PTPRG: variants seen among roughly 807,000 people sequenced by gnomAD.
PTPRG encodes protein tyrosine phosphatase receptor type G.
A neutral mutation model predicts 165.3 loss-of-function variants in PTPRG; 102 were observed. The ratio of observed to expected loss-of-function variants is 0.62; its 90% CI spans 0.53 to 0.73. PTPRG has a LOEUF of 0.73. Among genes scored for constraint, PTPRG ranks in the 30% least tolerant of loss-of-function variants. The pLI is 0.00. For missense variants in PTPRG, 1,866 were observed against 1,861.4 expected, an observed-to-expected ratio of 1.00 and a Z score of -0.05; for synonymous variants, 675 against 669.5, an observed-to-expected ratio of 1.01 and a Z score of -0.13.
At chr3:62,049,235 C>T (rs1700395018) in intron 4 of PTPRG, among the ~76,000 whole-genome samples, 1 of 152,128 alleles carries the variant, frequency 6.6e-6, no homozygotes, top group Non-Finnish European at 1.5e-5. Context: ...GTAATGCGAG[C>T]AGCATGTTCA....
At chr3:62,198,834 G>A (rs1212710067) in intron 10 of PTPRG, among the ~76,000 whole-genome samples, 6 of 152,194 alleles carry the variant, frequency 3.9e-5, no homozygotes, top group African/African-American at 1.4e-4. Context: ...CAGGTCCTGC[G>A]AATGCAGTTG....
intron 1 of PTPRG, among the ~76,000 whole-genome samples, chr3:61,706,208 G>GTA (rs1425497967): frequency 1.5e-4 from 23 of 151,634 alleles, no homozygotes; most frequent in African/African-American, 4.8e-4. Context: ...ACCCTGGGGG[G>GTA]GAAAAAAAAA....
intron 2 of PTPRG, among the ~76,000 whole-genome samples, chr3:61,959,254 C>G (rs557464770): frequency 1.4e-4 from 22 of 152,128 alleles, no homozygotes; most frequent in Admixed American, 3.9e-4. Flanking sequence ...TTAGCTTAGC[C>G]GAGGCCCTGA....
chr3:62,186,757 G>A (rs1699653370), intron 8 of PTPRG, among the ~76,000 whole-genome samples: 1 of 151,870 alleles, frequency 6.6e-6, no homozygotes, highest in Admixed American at 6.6e-5. Context: ...TCTAGAGCCG[G>A]GGTTTCACCA....
intron 1 of PTPRG, among the ~76,000 whole-genome samples, chr3:61,711,221 G>T (rs779976296): frequency 6.6e-6 from 1 of 152,118 alleles, no homozygotes; most frequent in Non-Finnish European, 1.5e-5. Flanking sequence ...GAATAGTGCC[G>T]CAATAGACAT....
At chr3:61,999,670 T>C (rs1395298550) in intron 3 of PTPRG, among the ~76,000 whole-genome samples, 1 of 152,246 alleles carries the variant, frequency 6.6e-6, no homozygotes, top group Non-Finnish European at 1.5e-5. Flanking sequence ...TCATTTTGAT[T>C]AAATGAATTG....
intron 1 of PTPRG, among the ~76,000 whole-genome samples, chr3:61,696,160 T>C (rs559951473): frequency 3.3e-4 from 50 of 152,284 alleles, no homozygotes; most frequent in African/African-American, 1.2e-3. Context: ...TGTATGTTTG[T>C]GCTATTTTGT....
intron 1 of PTPRG, among the ~76,000 whole-genome samples, chr3:61,747,617 A>G (rs1407744468): frequency 1.4e-5 from 2 of 143,428 alleles, no homozygotes; most frequent in South Asian, 2.3e-4. Flanking sequence ...GTGTAAGCAT[A>G]AAGTACTCTA....
chr3:62,138,743 C>T (rs1259533015), intron 6 of PTPRG, among the ~76,000 whole-genome samples: 2 of 139,170 alleles, frequency 1.4e-5, no homozygotes, highest in African/African-American at 2.6e-5. Context: ...AAAAGAAAGA[C>T]GAAATACATG....
At position 61,862,868 on chromosome 3, in the gene PTPRG, G is replaced by A. The variant is rs551209524; in HGVS notation, c.190+113886G>A. On this transcript the variant is annotated intron_variant, in intron 2 of 29. Coordinates refer to ENST00000474889, the MANE Select transcript of PTPRG (RefSeq NM_002841.4). ...CTGCAAAGACTCAGAGTGGTTTATC[G>A]GAAGGTTCCAAGTCCCTCCTACTAT... is the stretch of plus-strand genomic sequence containing the variant. 3.3e-5 allele frequency among the ~76,000 whole-genome samples: 5 copies of A among 152,234 alleles called. No individual in the cohort carries two copies. The South Asian group carries it at 8.3e-4, about 25-fold the overall frequency.
intron 2 of PTPRG, among the ~76,000 whole-genome samples, chr3:61,850,268 T>G (rs1227994056): frequency 6.6e-6 from 1 of 152,160 alleles, no homozygotes; most frequent in Non-Finnish European, 1.5e-5. Context: ...GTTCAAGCGA[T>G]TCTCCCTGCC....
rs1701135904 is a variant in PTPRG at position 62,240,507 on chromosome 3, A to G, written c.2376-3300A>G. 6.6e-6 allele frequency among the ~76,000 whole-genome samples: 1 copy of G among 152,184 alleles called. No homozygotes were observed. The highest frequency in any genetic ancestry group is 6.5e-5 in the Admixed American group (1 of 15,280). Reference sequence around the variant, plus strand: ...TAGCAGCCAAAATGAGCTTTCTGAAAGAAGCAAATCAGATGGTGCCTCTCC... The same window carrying G: ...TAGCAGCCAAAATGAGCTTTCTGAAGGAAGCAAATCAGATGGTGCCTCTCC... On this transcript the variant is annotated intron_variant, in intron 14 of 29. Transcript: ENST00000474889. This position sits in a 1 kb window ranked among gnomAD's most constrained non-coding sequence, Gnocchi z 5.1.
chr3:62,162,134 C>T (rs1021909921), intron 7 of PTPRG, among the ~76,000 whole-genome samples: 26 of 150,882 alleles, frequency 1.7e-4, no homozygotes, highest in Non-Finnish European at 3.7e-4. Flanking sequence ...CAGGAGCTCT[C>T]GCTACACACG....
chr3:61,923,692 A>ATT (rs71123241), intron 2 of PTPRG, among the ~76,000 whole-genome samples: 3,322 of 100,830 alleles, frequency 0.033, 238 homozygotes, highest in South Asian at 0.083. Flanking sequence ...TATTTTTTGT[A>ATT]TTTTTTTTTT....
intron 2 of PTPRG, among the ~76,000 whole-genome samples, chr3:61,844,671 TCC>T (rs58251581): frequency 0.12 from 17,596 of 149,892 alleles, 1,761 homozygotes; most frequent in African/African-American, 0.28. Context: ...TTTTTTTTTT[TCC>T]CCCTGTTTGG....
chr3:62,291,772 A>T (rs1702906727), intron 28 of PTPRG, among the ~76,000 whole-genome samples: 1 of 152,148 alleles, frequency 6.6e-6, no homozygotes, highest in Non-Finnish European at 1.5e-5. Flanking sequence ...GATTCTTGTG[A>T]AAAGTGGAGT....
rs1046231314 is a variant in PTPRG at position 61,843,331 on chromosome 3, T to C, written c.190+94349T>C. Among the ~76,000 whole-genome samples, 6 of 152,288 alleles carry C rather than the reference T, an allele frequency of 3.9e-5. No homozygotes were observed. The South Asian group carries it at 6.2e-4, about 16-fold the overall frequency. The stretch of plus-strand genomic sequence containing the variant: ...TTAAAACAGTGTGGTACTGCCAATA[T>C]AGATTATTATATTGTATATATACAC... On this transcript the variant is annotated intron_variant, in intron 2 of 29. Transcript: ENST00000474889.
intron 1 of PTPRG, among the ~76,000 whole-genome samples, chr3:61,612,044 G>A (rs1701185626): frequency 6.6e-6 from 1 of 152,138 alleles, no homozygotes; most frequent in Non-Finnish European, 1.5e-5. Context: ...CCGGGTTCAA[G>A]GAATTCTCCT....
chr3:62,019,188 G>A (rs948505176), intron 4 of PTPRG, among the ~76,000 whole-genome samples: 5 of 152,134 alleles, frequency 3.3e-5, no homozygotes. Flanking sequence ...TCCTGAATCA[G>A]ATGTTGAACA....
Sources: gnomAD v4.1 joint callset for allele counts (sites outside exome capture counted in the v4.1 genomes callset) on GRCh38, gnomAD v4.1.1 for gene constraint, Gnocchi (gnomAD v3.1) non-coding constraint, MANE v1.5 for transcripts, NCBI Gene and HGNC (gene_info 2026-07-23, HGNC 2026-07-21) for gene names.